The following OBSL1 variants were observed in gnomAD, a reference collection of about 807,000 sequenced individuals.
OBSL1 encodes the protein obscurin like cytoskeletal adaptor 1.
A neutral mutation model predicts 172.0 loss-of-function variants in OBSL1; 160 were observed. The observed-to-expected ratio is 0.93, with a 90% CI of 0.82 to 1.06. The LOEUF (loss-of-function observed/expected upper bound fraction) is 1.06, where lower values mean the gene tolerates loss of function less well. Among genes scored for constraint, OBSL1 ranks in the 50% least tolerant of loss-of-function variants. OBSL1 has a pLI of 0.00. For missense variants in OBSL1, 2,681 were observed against 2,715.4 expected, an observed-to-expected ratio of 0.99 and a Z score of 0.28; for synonymous variants, 1,200 against 1,196.3, an observed-to-expected ratio of 1.00 and a Z score of -0.06.
At chr2:219,562,342 C>T (rs1696540345) in intron 8 of OBSL1, 60 bp downstream of exon 8, 1 of 1,578,426 alleles carries the variant, frequency 6.3e-7, no homozygotes, top group South Asian at 1.2e-5. Flanking sequence ...GCTATGTGGC[C>T]AGCTCCTCCA....
intron 5 of OBSL1, among the ~76,000 whole-genome samples, chr2:219,566,354 G>A (rs1426286182): frequency 6.6e-6 from 1 of 152,018 alleles, no homozygotes; most frequent in Non-Finnish European, 1.5e-5. Flanking sequence ...ACTCCAGCCT[G>A]GGCGACAGAG....
chr2:219,552,981 G>C lies in OBSL1; in HGVS notation c.5033C>G (p.Ala1678Gly). The C allele has an allele frequency of 6.5e-7, 1 of 1,529,670 alleles. No individual in the cohort carries two copies. The highest frequency in any genetic ancestry group is 8.8e-7 in the Non-Finnish European group (1 of 1,142,768). The allele number at this position is 1,529,670 out of a possible 1,614,324, so 94.8% of individuals were successfully genotyped here. Residue 1678 changes from alanine to glycine, a missense_variant, in exon 17 of 21, where the codon GCC (alanine) becomes GGC (glycine). Coordinates refer to ENST00000404537, the MANE Select transcript of OBSL1 (RefSeq NM_015311.3). Reference protein sequence around the residue: ...LTPSPRLRLQALGTRRLLQLR... With the variant: ...LTPSPRLRLQGLGTRRLLQLR... ...CTGGAGAAGGCGGCGCGTGCCGAGG[G>C]CCTGGAGCCGGAGCCGCGGGCTAGG...
intron 14 of OBSL1, chr2:219,555,075 T>C (rs1695902436): frequency 3.0e-6 from 1 of 329,688 alleles, no homozygotes; most frequent in Admixed American, 4.3e-5. Context: ...TACCACATAG[T>C]TTGTGTGCTA....
chr2:219,554,104 G>A (rs1032883937), intron 15 of OBSL1: 16 of 405,156 alleles, frequency 3.9e-5, no homozygotes, highest in Non-Finnish European at 5.5e-5. Context: ...TGGTCACGGG[G>A]CCCACACTTA....
At chr2:219,570,079 G>C (rs1168381584) in intron 1 of OBSL1, 142 bp downstream of exon 1, 2 of 715,484 alleles carry the variant, frequency 2.8e-6, no homozygotes, top group South Asian at 2.7e-5. Context: ...AGTGAGAGGC[G>C]GGCGGGTTTG....
chr2:219,548,533 G>A (rs1695443664), downstream of OBSL1, among the ~76,000 whole-genome samples: 1 of 152,204 alleles, frequency 6.6e-6, no homozygotes, highest in Non-Finnish European at 1.5e-5. Context: ...AGGCTAAGGG[G>A]CCAGCCATGC....
At chr2:219,560,464 G>A (rs943031831) in intron 8 of OBSL1, among the ~76,000 whole-genome samples, 15 of 152,306 alleles carry the variant, frequency 9.8e-5, no homozygotes, top group Non-Finnish European at 1.8e-4. Flanking sequence ...GGTGACCAGC[G>A]CATGGAGCCC....
Position 219,551,735 on chromosome 2 carries a change from G to A in OBSL1, c.5477C>T (p.Ala1826Val), listed in dbSNP as rs573034993. The change falls in exon 20 of 21, where the codon GCG becomes GTG. Residue 1826 changes from alanine to valine, a missense_variant. This residue lies in a region of OBSL1 where 1,765 missense variants were observed against 1,748.3 expected (regional missense o/e 1.01). Coordinates refer to ENST00000404537, the MANE Select transcript of OBSL1 (RefSeq NM_015311.3). ...GCGGGACACAGTCACCTCCAGCACC[G>A]CCCGGCGGCCCACCAGAACGGTCTT... ...REKTVLVGRR[A>V]VLEVTVSRSG... 2.9e-5 allele frequency: 46 copies of A among 1,601,740 alleles called. No individual in the cohort carries two copies. Among genetic ancestry groups the A allele is most frequent in the African/African-American group, 4.0e-5 (3 of 74,884 alleles).
downstream of OBSL1, chr2:219,548,179 C>A: frequency 8.6e-7 from 1 of 1,158,920 alleles, no homozygotes; most frequent in Non-Finnish European, 1.2e-6. Flanking sequence ...CAGCAGAAGG[C>A]CTCGATGGCG....
chr2:219,555,974 T>C (rs752741200), intron 14 of OBSL1, 46 bp downstream of exon 14: 3 of 1,591,990 alleles, frequency 1.9e-6, no homozygotes. Context: ...CAGAAAAGGC[T>C]GTGGTGTAGG....
At position 219,551,203 on chromosome 2, in the gene OBSL1, TG is replaced by T. The variant is rs145770751; in HGVS notation, c.5683+325del. The T allele has an allele frequency of 1.9e-3, 2,554 of 1,379,676 alleles. 35 individuals are homozygous for T. The African/African-American group carries it at 0.032, about 17-fold the overall frequency. 85.5% of individuals were successfully genotyped at this position (1,379,676 alleles called of 1,614,324 possible). On this transcript the variant is annotated intron_variant, in intron 20 of 20. Transcript: ENST00000404537. Reference sequence around the variant, plus strand: ...ACAGGCTGGAGGAAGGCAGTGTTGGTGAAGTGGGGAGGAAAGGAACTGGTAG... The same window carrying T: ...ACAGGCTGGAGGAAGGCAGTGTTGGTAAGTGGGGAGGAAAGGAACTGGTAG...
downstream of OBSL1, chr2:219,547,775 G>A (rs369931895): frequency 3.8e-6 from 6 of 1,594,018 alleles, no homozygotes; most frequent in African/African-American, 1.3e-5. Context: ...GCCAGGCTCC[G>A]TGTGGGGTCC....
rs772150568 is a variant in OBSL1, at chr2:219,556,596, G to T, written c.4194C>A (p.Val1398=). ...ADVTWLRNGA[V]VTPGPQVEMA... is the part of the protein sequence containing the mutation. ...TCTCCACCTGGGGCCCTGGAGTGAC[G>T]ACGGCCCCATTGCGCAGCCAGGTGA... Residue 1398 remains valine, a synonymous_variant, in exon 13 of 21, where the codon GTC becomes GTA. Coordinates refer to ENST00000404537, the MANE Select transcript of OBSL1 (RefSeq NM_015311.3). 21 of 1,613,842 alleles carry T rather than the reference G, an allele frequency of 1.3e-5. No individual in the cohort carries two copies. Among genetic ancestry groups the T allele is most frequent in the Non-Finnish European group, 1.7e-5 (20 of 1,179,888 alleles).
In OBSL1 at chr2:219,558,990, C is replaced by T. The variant is rs923183112; in HGVS notation, c.3226+235G>A. 1.1e-5 allele frequency: 6 copies of T among 531,418 alleles called. No individual in the cohort carries two copies. In the African/African-American group the frequency reaches 1.1e-4, roughly 10 times the overall value. 32.9% of individuals were successfully genotyped at this position (531,418 alleles called of 1,614,324 possible). On this transcript the variant is annotated intron_variant, in intron 9 of 20. Transcript: ENST00000404537. ...AACAGTGCCAAGCACATAGTAGTTG[C>T]TCAATGAGTATTGAACGAATGGATG... is the stretch of plus-strand genomic sequence containing the variant.
chr2:219,547,792 G>A (rs774538875), downstream of OBSL1: 1 of 1,593,114 alleles, frequency 6.3e-7, no homozygotes, highest in Non-Finnish European at 8.5e-7. Flanking sequence ...GTCCACTGGG[G>A]CTGTTGCTGG....
chr2:219,553,774 C>T, intron 15 of OBSL1, 88 bp from the exon 16 acceptor site: 4 of 862,732 alleles, frequency 4.6e-6, no homozygotes, highest in East Asian at 5.3e-5. Flanking sequence ...TTGGGCACAA[C>T]AGGCAGTAGA....
chr2:219,549,450 A>G, downstream of OBSL1: 2 of 1,430,992 alleles, frequency 1.4e-6, no homozygotes, highest in East Asian at 4.9e-5. Flanking sequence ...GTTGCTATCT[A>G]GAAGGCCTGT....
At chr2:219,550,064 G>C (rs1023846983), downstream of OBSL1, 28 of 634,836 alleles carry the variant, frequency 4.4e-5, no homozygotes, top group East Asian at 7.3e-4. Flanking sequence ...TGAGGAACTC[G>C]GGGTGTGAAC....
Position 219,559,385 on chromosome 2 carries a change from C to T in OBSL1, c.3066G>A (p.Trp1022Ter). The T allele has an allele frequency of 1.2e-6, 2 of 1,613,962 alleles. No homozygotes were observed. The highest frequency in any genetic ancestry group is 1.7e-6 in the Non-Finnish European group (2 of 1,179,892). ...ELSREDAPVRWYKDGLEVEES... is the reference protein window; with the variant it reads ...ELSREDAPVR ...CCTCCACTTCCAGCCCATCCTTGTA[C>T]CAGCGCACAGGGGCATCCTCCCGAG... The change falls in exon 9 of 21, where the codon TGG becomes TGA. Residue 1022 changes from tryptophan to a stop codon, truncating the protein, a stop_gained. Transcript: ENST00000404537. LOFTEE classifies it high-confidence loss of function.
Sources: gnomAD v4.1 joint callset for allele counts (sites outside exome capture counted in the v4.1 genomes callset) on GRCh38, gnomAD v4.1.1 for gene constraint, gnomAD v4.1.1 regional missense constraint, MANE v1.5 for transcripts, NCBI Gene and HGNC (gene_info 2026-07-23, HGNC 2026-07-21) for gene names.